NINL: variants seen among roughly 807,000 people sequenced by gnomAD.
NINL encodes the protein ninein-like protein.
Under a neutral mutation model 160.3 loss-of-function variants are expected in NINL, and 153 were observed. The ratio of observed to expected loss-of-function variants is 0.95; its 90% CI spans 0.84 to 1.09. The LOEUF (loss-of-function observed/expected upper bound fraction) is 1.09. Among genes scored for constraint, NINL ranks in the 50% least tolerant of loss-of-function variants. NINL has a pLI of 0.00. For missense variants in NINL, 1,829 were observed against 1,764.0 expected, an observed-to-expected ratio of 1.04 and a Z score of -0.66; for synonymous variants, 800 against 734.8, an observed-to-expected ratio of 1.09 and a Z score of -1.43.
intron 1 of NINL, among the ~76,000 whole-genome samples, chr20:25,570,657 A>G (rs1231261781): frequency 6.7e-5 from 9 of 134,506 alleles, no homozygotes; most frequent in African/African-American, 2.6e-4. Flanking sequence ...TTTTTTTTTT[A>G]GCTTTTCCAA....
At chr20:25,501,719 C>T (rs1403555610) in intron 7 of NINL, among the ~76,000 whole-genome samples, 3 of 152,150 alleles carry the variant, frequency 2.0e-5, no homozygotes, top group Non-Finnish European at 2.9e-5. Flanking sequence ...CTGCAGCCTC[C>T]ACCTCCTGGA....
intron 1 of NINL, among the ~76,000 whole-genome samples, chr20:25,556,949 G>C (rs2064873986): frequency 2.0e-5 from 3 of 152,142 alleles, no homozygotes; most frequent in Admixed American, 2.0e-4. Context: ...AGGGAGCTAT[G>C]GGCACCAGGG....
intron 1 of NINL, among the ~76,000 whole-genome samples, chr20:25,553,466 T>G (rs1252514421): frequency 1.3e-5 from 2 of 152,316 alleles, no homozygotes; most frequent in East Asian, 3.9e-4. Context: ...GGAAAGGTAC[T>G]TTCTGATTTT....
intron 3 of NINL, among the ~76,000 whole-genome samples, chr20:25,513,410 T>C (rs914584231): frequency 6.6e-6 from 1 of 152,214 alleles, no homozygotes; most frequent in Admixed American, 6.5e-5. Context: ...ACACGCTAAA[T>C]GTCAAGTGAC....
At chr20:25,530,970 G>A (rs185405068) in intron 1 of NINL, among the ~76,000 whole-genome samples, 96 of 152,156 alleles carry the variant, frequency 6.3e-4, no homozygotes, top group Non-Finnish European at 1.1e-3. Flanking sequence ...GCATTTCCTC[G>A]TCCTAATAAG....
intron 1 of NINL, among the ~76,000 whole-genome samples, chr20:25,545,564 G>C (rs1448356221): frequency 1.3e-5 from 2 of 152,080 alleles, no homozygotes; most frequent in South Asian, 2.1e-4. Flanking sequence ...TGACAGGATG[G>C]GGGGTTGGAC....
chr20:25,466,998 A>T (rs549654106), intron 19 of NINL, among the ~76,000 whole-genome samples: 4 of 152,346 alleles, frequency 2.6e-5, no homozygotes, highest in African/African-American at 4.8e-5. Flanking sequence ...CAGGCAGGTC[A>T]TCTCCACAAG....
chr20:25,457,312 G>A (rs540199055), intron 22 of NINL, among the ~76,000 whole-genome samples: 20 of 152,080 alleles, frequency 1.3e-4, no homozygotes, highest in African/African-American at 4.8e-4. Context: ...AACAGAGTCA[G>A]ACTCTGTCTC....
At chr20:25,553,216 C>G (rs779322783) in intron 1 of NINL, among the ~76,000 whole-genome samples, 28 of 148,728 alleles carry the variant, frequency 1.9e-4, no homozygotes, top group Non-Finnish European at 3.8e-4. Context: ...GATCCTCCCA[C>G]CTCAGCTGCC....
intron 1 of NINL, among the ~76,000 whole-genome samples, chr20:25,568,475 C>T (rs1465249008): frequency 6.6e-6 from 1 of 151,958 alleles, no homozygotes; most frequent in Non-Finnish European, 1.5e-5. Context: ...GTGGCCTGAT[C>T]ATGGCTCATA....
chr20:25,538,221 G>A (rs1171619056), intron 1 of NINL, among the ~76,000 whole-genome samples: 1 of 152,212 alleles, frequency 6.6e-6, no homozygotes, highest in Non-Finnish European at 1.5e-5. Context: ...GTGGTCGCCA[G>A]GTGAGGGGAG....
chr20:25,496,831 T>C (rs1327717958), intron 9 of NINL, 28 bp from the exon 10 acceptor site: 8 of 1,610,584 alleles, frequency 5.0e-6, no homozygotes, highest in African/African-American at 2.7e-5. Flanking sequence ...CAGGGTCAGA[T>C]GGGACCCCAC....
At chr20:25,575,457 A>AG (rs1364626794) in intron 1 of NINL, among the ~76,000 whole-genome samples, 6 of 148,252 alleles carry the variant, frequency 4.0e-5, no homozygotes, top group African/African-American at 1.5e-4. Context: ...AAAAAAAAAA[A>AG]AAAAAAAAGA....
At chr20:25,504,154 A>G (rs762548937) in intron 6 of NINL, 50 bp from the exon 7 acceptor site, 1 of 1,509,128 alleles carries the variant, frequency 6.6e-7, no homozygotes. Flanking sequence ...GCTCCACCCA[A>G]CCGCCCTCAC....
intron 19 of NINL, among the ~76,000 whole-genome samples, chr20:25,466,640 T>C (rs1352268896): frequency 6.6e-6 from 1 of 151,278 alleles, no homozygotes; most frequent in African/African-American, 2.4e-5. Context: ...TCTCTACTAA[T>C]AATATAAAAA....
chr20:25,556,075 G>A (rs571146513), intron 1 of NINL, among the ~76,000 whole-genome samples: 1 of 151,874 alleles, frequency 6.6e-6, no homozygotes, highest in Admixed American at 6.5e-5. Flanking sequence ...GAGCCCAGAA[G>A]TTCAAGACCA....
At chr20:25,463,704 A>T (rs1388261989) in intron 19 of NINL, among the ~76,000 whole-genome samples, 1 of 152,234 alleles carries the variant, frequency 6.6e-6, no homozygotes, top group East Asian at 1.9e-4. Context: ...TCGACCACGC[A>T]CACGTCACCT....
intron 18 of NINL, 51 bp from the exon 19 acceptor site, chr20:25,467,509 C>T (rs763257960): frequency 2.1e-6 from 3 of 1,405,804 alleles, no homozygotes; most frequent in South Asian, 2.3e-5. Context: ...CAACCAGTGC[C>T]TTCTTTCCTG....
chr20:25,566,811 AC>A (rs2065003654), intron 1 of NINL, among the ~76,000 whole-genome samples: 2 of 151,970 alleles, frequency 1.3e-5, no homozygotes, highest in African/African-American at 4.8e-5. Context: ...ACAAACAACA[AC>A]AACAACAACA....
Sources: allele counts gnomAD v4.1 joint callset (sites outside exome capture counted in the v4.1 genomes callset), GRCh38; gene constraint gnomAD v4.1.1; transcripts MANE v1.5; gene names NCBI Gene and HGNC (gene_info 2026-07-23, HGNC 2026-07-21).